Variants in OMA1 observed in about 807,000 individuals in gnomAD.
The protein encoded by OMA1 is OMA1 zinc metallopeptidase, also known as metalloendopeptidase OMA1, mitochondrial.
OMA1 carries 38 observed loss-of-function variants against 30.9 expected under a neutral mutation model. The ratio of observed to expected loss-of-function variants is 1.23; its 90% confidence interval spans 0.95 to 1.61. OMA1 has a LOEUF of 1.61. Among genes scored for constraint, OMA1 ranks in the 40% most tolerant of loss-of-function variants. OMA1 has a pLI of 0.00. For missense variants in OMA1, 461 were observed against 349.2 expected, an observed-to-expected ratio of 1.32 and a Z score of -2.55; for synonymous variants, 173 against 121.9, an observed-to-expected ratio of 1.42 and a Z score of -2.76.
At chr1:58,485,823 A>G (rs1013396972) in intron 8 of OMA1, among the ~76,000 whole-genome samples, 1 of 152,220 alleles carries the variant, frequency 6.6e-6, no homozygotes, top group African/African-American at 2.4e-5. Context: ...TAACAAACGC[A>G]TGCTAAATTT....
At position 58,538,953 on chromosome 1, in the gene OMA1, T is replaced by C. The variant is rs186249254; in HGVS notation, c.342A>G (p.Thr114=). Residue 114 remains threonine, a synonymous_variant, in exon 2 of 9, where the codon ACA becomes ACG. Coordinates refer to ENST00000371226, the MANE Select transcript of OMA1 (RefSeq NM_145243.5). ...GCAATACTGACAGACTAGGGACTGC[T>C]GTAACTTCTTTTATTAGCAGCTGTC... ...FSRQLLIKEV[T]AVPSLSVLHP... The C allele has an allele frequency of 1.1e-6, 1 of 872,914 alleles. No individual in the cohort carries two copies. The highest frequency in any genetic ancestry group is 2.0e-6 in the Non-Finnish European group (1 of 501,640). 54.1% of individuals were successfully genotyped at this position (872,914 alleles called of 1,614,324 possible).
intron 7 of OMA1, among the ~76,000 whole-genome samples, chr1:58,522,695 C>G (rs1268979853): frequency 1.3e-5 from 2 of 152,146 alleles, no homozygotes; most frequent in Non-Finnish European, 2.9e-5. Context: ...CTACTGTTGA[C>G]CTTGCCAGTA....
At chr1:58,504,557 T>C (rs7547966) in intron 8 of OMA1, among the ~76,000 whole-genome samples, 4,093 of 152,318 alleles carry the variant, frequency 0.027, 179 homozygotes, top group African/African-American at 0.093. Context: ...ATACTATATG[T>C]TTGTTTCTTA....
At chr1:58,502,445 A>C (rs539296960) in intron 8 of OMA1, among the ~76,000 whole-genome samples, 16 of 152,184 alleles carry the variant, frequency 1.1e-4, no homozygotes, top group Non-Finnish European at 2.2e-4. Flanking sequence ...GATGACTCTG[A>C]AACTCTGAAA....
At chr1:58,503,292 C>T (rs145233430) in intron 8 of OMA1, among the ~76,000 whole-genome samples, 108 of 152,274 alleles carry the variant, frequency 7.1e-4, no homozygotes, top group Admixed American at 1.8e-3. Context: ...CCTTGGATAG[C>T]ACAAAGGACC....
chr1:58,523,583 G>A (rs1206641897), intron 7 of OMA1, among the ~76,000 whole-genome samples: 2 of 152,128 alleles, frequency 1.3e-5, no homozygotes, highest in Non-Finnish European at 1.5e-5. Context: ...CAGGTGACCA[G>A]AGGAATTGAG....
rs1357493942 is a variant in OMA1, at chr1:58,480,871, T to G, written c.*94A>C. The G allele has an allele frequency of 1.2e-5, 8 of 695,534 alleles. No homozygotes were observed. Among genetic ancestry groups the G allele is most frequent in the Non-Finnish European group, 1.9e-5 (8 of 416,226 alleles). 43.1% of individuals were successfully genotyped at this position (695,534 alleles called of 1,614,324 possible). ...CATGATTTGACCCTGAATATCCTTT[T>G]TTTTTTCACTTCAAACATCATTTTT... On this transcript the variant is annotated 3_prime_UTR_variant, in exon 9 of 9. Coordinates refer to ENST00000371226, the MANE Select transcript of OMA1 (RefSeq NM_145243.5).
intron 7 of OMA1, among the ~76,000 whole-genome samples, chr1:58,525,798 C>T (rs11590785): frequency 0.13 from 20,353 of 152,022 alleles, 1,521 homozygotes; most frequent in Middle Eastern, 0.22. Context: ...AGGACAGAAG[C>T]TTCAGGTATC....
chr1:58,492,303 A>G lies in OMA1; in HGVS notation c.1366-11129T>C, dbSNP rs554772988. Among the ~76,000 whole-genome samples the G allele has an allele frequency of 4.6e-5, 7 of 152,306 alleles. No homozygotes were observed. The South Asian group carries it at 8.3e-4, about 18-fold the overall frequency. On this transcript the variant is annotated intron_variant, in intron 8 of 8. Transcript: ENST00000371226. ...AATTTATAGCACTAAATGCTCACAA[A>G]AGAAAGCAGGAAAGATCTAAAATTG... is the stretch of plus-strand genomic sequence containing the variant.
chr1:58,484,659 A>G (rs1645544158), intron 8 of OMA1, among the ~76,000 whole-genome samples: 1 of 152,222 alleles, frequency 6.6e-6, no homozygotes, highest in South Asian at 2.1e-4. Flanking sequence ...AAACTTGGAA[A>G]TAACCAAGAT....
intron 5 of OMA1, among the ~76,000 whole-genome samples, chr1:58,533,174 A>C (rs1186782740): frequency 1.3e-5 from 2 of 152,240 alleles, no homozygotes; most frequent in African/African-American, 2.4e-5. Context: ...GACTTATATC[A>C]AGATGAACAG....
intron 5 of OMA1, among the ~76,000 whole-genome samples, chr1:58,532,519 A>G (rs972800692): frequency 7.9e-5 from 12 of 152,128 alleles, no homozygotes; most frequent in Non-Finnish European, 5.9e-5. Context: ...TTAAGAAAAA[A>G]AGATTTTTTT....
chr1:58,502,203 A>G (rs569599237), intron 8 of OMA1, among the ~76,000 whole-genome samples: 17 of 152,358 alleles, frequency 1.1e-4, no homozygotes, highest in Middle Eastern at 3.4e-3. Flanking sequence ...GCTAAAGTTT[A>G]AAAATCAAAA....
In OMA1 at chr1:58,530,708, GA is replaced by G. The variant is rs1217548694; in HGVS notation, c.1032del (p.His345IlefsTer6). 2 of 872,458 alleles carry G rather than the reference GA, an allele frequency of 2.3e-6. No individual in the cohort carries two copies. The allele number at this position is 872,458 out of a possible 1,614,324, so 54.0% of individuals were successfully genotyped here. A position where few individuals can be genotyped will look rare whatever the true frequency, so the allele number is the denominator to read the frequency against. On this transcript the variant is annotated frameshift_variant, in exon 6 of 9. Coordinates refer to ENST00000371226, the MANE Select transcript of OMA1 (RefSeq NM_145243.5). LOFTEE classifies it high-confidence loss of function. ...ATCATACCTAGGAAATCCAACAAAT[GA>G]ACCATGCCAGCCTTTTCTGCCTAAG... ...LGHAAEKAGM[V>X]HLLDFLGMIF...
At chr1:58,499,618 T>C (rs1310694663) in intron 8 of OMA1, among the ~76,000 whole-genome samples, 1 of 152,190 alleles carries the variant, frequency 6.6e-6, no homozygotes, top group Non-Finnish European at 1.5e-5. Flanking sequence ...ATGTACTGTA[T>C]ATTTGAAAAT....
intron 8 of OMA1, among the ~76,000 whole-genome samples, chr1:58,487,702 T>C (rs1645599765): frequency 6.6e-6 from 1 of 151,998 alleles, no homozygotes; most frequent in Non-Finnish European, 1.5e-5. Flanking sequence ...TTTAGTAATT[T>C]GTAATTTGTA....
rs368550952 is a variant in OMA1 at position 58,504,464 on chromosome 1, T to C, written c.1365+1596A>G. On this transcript the variant is annotated intron_variant, in intron 8 of 8. Coordinates refer to ENST00000371226, the MANE Select transcript of OMA1 (RefSeq NM_145243.5). The stretch of plus-strand genomic sequence containing the variant: ...CCTTCCTTGACAACCGAACATAGAC[T>C]AGTACCCCTTCTCTGCTGCCCACCC... Among the ~76,000 whole-genome samples, 15 of 152,302 alleles carry C rather than the reference T, an allele frequency of 9.8e-5. No individual in the cohort carries two copies. The East Asian group carries it at 2.3e-3, about 23-fold the overall frequency.
At chr1:58,485,230 A>T (rs1372151614) in intron 8 of OMA1, among the ~76,000 whole-genome samples, 2 of 117,272 alleles carry the variant, frequency 1.7e-5, no homozygotes, top group African/African-American at 6.9e-5. Context: ...TCTACTACTA[A>T]AAAAAAAAAA....
intron 3 of OMA1, among the ~76,000 whole-genome samples, chr1:58,535,096 G>GT (rs1420587498): frequency 6.6e-6 from 1 of 152,146 alleles, no homozygotes; most frequent in Non-Finnish European, 1.5e-5. Flanking sequence ...ATTTTAAGGT[G>GT]TTTTACTCAC....
Sources: allele counts gnomAD v4.1 joint callset (sites outside exome capture counted in the v4.1 genomes callset), GRCh38; gene constraint gnomAD v4.1.1; transcripts MANE v1.5; gene names NCBI Gene and HGNC (gene_info 2026-07-23, HGNC 2026-07-21).